SLC35F4: variants seen among roughly 807,000 people sequenced by gnomAD.
SLC35F4 encodes the protein solute carrier family 35 member F4.
SLC35F4 carries 24 observed loss-of-function variants against 44.2 expected under a neutral mutation model. That is an observed-to-expected ratio of 0.54 (90% CI 0.39 to 0.76). SLC35F4 has a LOEUF of 0.76. SLC35F4 is among the 30% of genes least tolerant of loss of function. The pLI is 0.00. For synonymous variants in SLC35F4, 238 were observed against 223.6 expected (o/e 1.06, Z -0.57); for missense variants, 562 against 586.1 (o/e 0.96, Z 0.42).
At chr14:57,589,818 A>G (rs1321872636) in intron 2 of SLC35F4, among the ~76,000 whole-genome samples, 1 of 152,156 alleles carries the variant, frequency 6.6e-6, no homozygotes, top group Non-Finnish European at 1.5e-5. Flanking sequence ...CCCAGCCCCC[A>G]AAGACTGGTC....
chr14:57,907,619 A>C (rs1286447319), intron 1 of SLC35F4, among the ~76,000 whole-genome samples: 1 of 152,174 alleles, frequency 6.6e-6, no homozygotes, highest in Admixed American at 6.5e-5. Context: ...TAGGTTAATT[A>C]ATAAAAGAAC....
chr14:57,786,338 G>T (rs1312142670), intron 1 of SLC35F4, among the ~76,000 whole-genome samples: 3 of 152,116 alleles, frequency 2.0e-5, no homozygotes, highest in African/African-American at 7.2e-5. Flanking sequence ...ATCCACCCTG[G>T]TAGCAGAAGA....
intron 1 of SLC35F4, among the ~76,000 whole-genome samples, chr14:57,708,408 C>G (rs1187160994): frequency 1.3e-5 from 2 of 152,216 alleles, no homozygotes; most frequent in Non-Finnish European, 2.9e-5. Context: ...TCCCACACAG[C>G]CGGCTCTGTG....
intron 1 of SLC35F4, among the ~76,000 whole-genome samples, chr14:57,965,434 T>G (rs57171139): frequency 0.29 from 43,379 of 151,966 alleles, 6,757 homozygotes; most frequent in African/African-American, 0.43. Context: ...AGATTGGCTG[T>G]TTATCAGCTT....
intron 1 of SLC35F4, among the ~76,000 whole-genome samples, chr14:57,872,408 G>A (rs1225780211): frequency 6.6e-6 from 1 of 151,860 alleles, no homozygotes; most frequent in East Asian, 1.9e-4. Flanking sequence ...TTTCAAGAGA[G>A]AAGCTAAAAA....
chr14:57,910,882 T>C (rs1009214504), intron 1 of SLC35F4, among the ~76,000 whole-genome samples: 2 of 152,052 alleles, frequency 1.3e-5, no homozygotes, highest in African/African-American at 4.8e-5. Flanking sequence ...ATTATAACAA[T>C]ACTGAGTCAT....
chr14:57,691,337 T>G (rs2075226394), intron 1 of SLC35F4, among the ~76,000 whole-genome samples: 1 of 152,126 alleles, frequency 6.6e-6, no homozygotes, highest in Admixed American at 6.5e-5. Flanking sequence ...ACATTGAAGG[T>G]CAAAGGAAAC....
intron 3 of SLC35F4, among the ~76,000 whole-genome samples, chr14:57,581,946 T>C (rs896216091): frequency 6.6e-5 from 10 of 152,090 alleles, no homozygotes; most frequent in Non-Finnish European, 1.0e-4. Context: ...AATTGACTAA[T>C]TTTTTTTCCT....
chr14:57,692,564 G>C lies in SLC35F4; in HGVS notation c.104-98440C>G, dbSNP rs528303710. ...AAATAACATTTTCTTTCTATTTCAA[G>C]AGATTCCCTGGCACTCTCCTGTGGT... On this transcript the variant is annotated intron_variant, in intron 1 of 7. Coordinates refer to ENST00000556826, the MANE Select transcript of SLC35F4 (RefSeq NM_001306087.2). Among the ~76,000 whole-genome samples, 31 of 152,154 alleles carry C rather than the reference G, an allele frequency of 2.0e-4. 1 individual carries two copies. The South Asian group carries it at 6.4e-3, about 32-fold the overall frequency.
At chr14:57,569,703 C>T in intron 6 of SLC35F4, 85 bp downstream of exon 6, 2 of 1,362,728 alleles carry the variant, frequency 1.5e-6, no homozygotes, top group Non-Finnish European at 1.9e-6. Flanking sequence ...CAGAGTTACC[C>T]AAGGAAATAA....
upstream of SLC35F4, chr14:57,982,300 C>T (rs1218748392): frequency 6.6e-6 from 1 of 152,182 alleles, no homozygotes; most frequent in Non-Finnish European, 1.5e-5. Context: ...CAGCCAACAG[C>T]AACGGAATGT....
intron 3 of SLC35F4, among the ~76,000 whole-genome samples, chr14:57,585,671 T>C (rs1057099080): frequency 2.0e-5 from 3 of 152,070 alleles, no homozygotes; most frequent in African/African-American, 7.2e-5. Context: ...AATGTGCAAA[T>C]ATCACAAGCA....
chr14:57,663,652 T>C (rs910830648), intron 1 of SLC35F4, among the ~76,000 whole-genome samples: 2 of 152,154 alleles, frequency 1.3e-5, no homozygotes, highest in South Asian at 2.1e-4. Flanking sequence ...TGGACAAGCA[T>C]CAACCCTTTA....
chr14:57,758,001 ATG>A (rs34860997), intron 1 of SLC35F4, among the ~76,000 whole-genome samples: 7,619 of 128,818 alleles, frequency 0.059, 203 homozygotes, highest in Middle Eastern at 0.1. Context: ...TTATAGGTTC[ATG>A]TGTGTGTGTG....
chr14:57,880,071 AGG>A lies in SLC35F4; in HGVS notation n.282+101840_282+101841del, dbSNP rs1188573469. Among the ~76,000 whole-genome samples the A allele has an allele frequency of 4.5e-3, 577 of 128,340 alleles. 16 individuals carry two copies. The highest frequency in any genetic ancestry group is 0.015 in the African/African-American group (467 of 30,862). 84.2% of individuals were successfully genotyped at this position (128,340 alleles called of 152,430 possible). A position where few individuals can be genotyped will look rare whatever the true frequency, so the allele number is the denominator to read the frequency against. On this transcript the variant is annotated intron_variant and non_coding_transcript_variant, in intron 1 of 1. Transcript: ENST00000556568. Reference sequence around the variant, plus strand: ...AAGGAAGGAAGGAAGGAAGGAAGGAAGGAAGGAAGGAAGGAAGGAAGGAAGGA... The same window carrying A: ...AAGGAAGGAAGGAAGGAAGGAAGGAAAAGGAAGGAAGGAAGGAAGGAAGGA...
chr14:57,914,849 A>G (rs1020933890), intron 1 of SLC35F4, among the ~76,000 whole-genome samples: 6 of 151,826 alleles, frequency 4.0e-5, no homozygotes, highest in African/African-American at 1.5e-4. Flanking sequence ...GGAGTTGCAC[A>G]CTGGTGACCT....
At chr14:57,719,977 T>C (rs1092040) in intron 1 of SLC35F4, among the ~76,000 whole-genome samples, 73,452 of 151,920 alleles carry the variant, frequency 0.48, 18,264 homozygotes, top group Non-Finnish European at 0.55. Context: ...TGTTGTGGTA[T>C]GTTCCTTCTA....
rs143890958 is a variant in SLC35F4 at position 57,676,896 on chromosome 14, G to A, written c.104-82772C>T. On this transcript the variant is annotated intron_variant, in intron 1 of 7. Coordinates refer to ENST00000556826, the MANE Select transcript of SLC35F4 (RefSeq NM_001306087.2). ...AAAAACAGGACAACCATTCAATCCA[G>A]CAATCCCACTACTGGGACCTACCCA... 2.1e-3 allele frequency among the ~76,000 whole-genome samples: 319 copies of A among 152,122 alleles called. 5 individuals are homozygous for A. Among genetic ancestry groups the A allele is most frequent in the African/African-American group, 7.3e-3 (304 of 41,418 alleles).
chr14:57,608,297 G>A (rs1276204434), intron 1 of SLC35F4, among the ~76,000 whole-genome samples: 1 of 152,164 alleles, frequency 6.6e-6, no homozygotes, highest in Non-Finnish European at 1.5e-5. Flanking sequence ...CCTTTACAGA[G>A]GTGATCAAAT....
Sources: allele counts gnomAD v4.1 joint callset (sites outside exome capture counted in the v4.1 genomes callset), GRCh38; gene constraint gnomAD v4.1.1; transcripts MANE v1.5; gene names NCBI Gene and HGNC (gene_info 2026-07-23, HGNC 2026-07-21).